Variants in DNAH12 observed in about 807,000 individuals in gnomAD.
The protein encoded by DNAH12 is dynein axonemal heavy chain 12.
In DNAH12, 285 loss-of-function variants were observed where a neutral mutation model predicts 371.5. The ratio of observed to expected loss-of-function variants is 0.77; its 90% CI spans 0.70 to 0.85. The LOEUF is 0.85. Ranked by LOEUF, DNAH12 falls within the 40% of genes least tolerant of loss-of-function variation. The pLI, the probability that DNAH12 is intolerant of heterozygous loss-of-function variation, is 0.00. For missense variants in DNAH12, 3,611 were observed against 3,689.4 expected (o/e 0.98, Z 0.55); for synonymous variants, 1,200 against 1,213.0 (o/e 0.99, Z 0.22).
At chr3:57,342,986 C>G (rs2062443726) in intron 60 of DNAH12, among the ~76,000 whole-genome samples, 1 of 151,784 alleles carries the variant, frequency 6.6e-6, no homozygotes, top group Admixed American at 6.6e-5. Flanking sequence ...GTGGAAGGAT[C>G]ACCTGAGCCG....
chr3:57,471,663 C>CA (rs1165780211), intron 14 of DNAH12, 57 bp from the exon 15 acceptor site: 1 of 1,413,922 alleles, frequency 7.1e-7, no homozygotes, highest in Non-Finnish European at 9.3e-7. Context: ...ATTATCAAGT[C>CA]AGAAATCCAA....
intron 65 of DNAH12, among the ~76,000 whole-genome samples, chr3:57,320,860 C>G (rs2061788980): frequency 6.6e-6 from 1 of 152,172 alleles, no homozygotes; most frequent in African/African-American, 2.4e-5. Flanking sequence ...TTCTCTTACC[C>G]CAGCTTTCAT....
At chr3:57,546,452 C>T (rs1328738397), upstream of DNAH12, among the ~76,000 whole-genome samples, 1 of 152,094 alleles carries the variant, frequency 6.6e-6, no homozygotes, top group Admixed American at 6.6e-5. Flanking sequence ...AGGGATCCTC[C>T]CACCTTAGCC....
At chr3:57,321,344 G>A (rs926052342) in intron 65 of DNAH12, among the ~76,000 whole-genome samples, 1 of 152,174 alleles carries the variant, frequency 6.6e-6, no homozygotes, top group African/African-American at 2.4e-5. Context: ...GACTTTCAAA[G>A]AATTTAGTTA....
In DNAH12 at chr3:57,297,359, A is replaced by ATT. The variant is rs35527517; in HGVS notation, c.11395-377_11395-376dup. 8.5e-3 allele frequency: 1,343 copies of ATT among 158,118 alleles called. 4 individuals carry two copies. The highest frequency in any genetic ancestry group is 0.025 in the East Asian group (133 of 5,380). The allele number at this position is 158,118 out of a possible 1,614,324, so 9.8% of individuals were successfully genotyped here. ...TTGTTGATTCCAGTTCCTTAACCCT[A>ATT]TTTTTTTTTTTTTTGAGATGAAATC... On this transcript the variant is annotated intron_variant, in intron 70 of 73. Coordinates refer to ENST00000495027, the MANE Select transcript of DNAH12 (RefSeq NM_001366028.2).
chr3:57,527,527 G>A (rs1382429506), intron 2 of DNAH12, among the ~76,000 whole-genome samples: 2 of 152,138 alleles, frequency 1.3e-5, no homozygotes, highest in Non-Finnish European at 1.5e-5. Context: ...GTCACATGGC[G>A]AAAGCAGGAG....
At chr3:57,310,096 A>G (rs776996475) in intron 67 of DNAH12, among the ~76,000 whole-genome samples, 1 of 152,182 alleles carries the variant, frequency 6.6e-6, no homozygotes, top group Non-Finnish European at 1.5e-5. Context: ...GATGAAGAGA[A>G]TGACCCTTCT....
chr3:57,513,659 A>T (rs1272487711), intron 4 of DNAH12, among the ~76,000 whole-genome samples: 1 of 152,222 alleles, frequency 6.6e-6, no homozygotes, highest in Non-Finnish European at 1.5e-5. Context: ...AACATTTCAC[A>T]ATAAAAATAT....
At chr3:57,349,569 C>G (rs1390778324) in intron 60 of DNAH12, among the ~76,000 whole-genome samples, 1 of 152,172 alleles carries the variant, frequency 6.6e-6, no homozygotes, top group Non-Finnish European at 1.5e-5. Flanking sequence ...AGCCCAAATG[C>G]CCATCAATCA....
chr3:57,459,801 T>C lies in DNAH12; in HGVS notation c.2737-15A>G. ...TCCTCCCAGGCCTTAATGAAAAGTATACTGCACTAAATTCTAGTTATTAAA... is the reference window on the plus strand; with the variant it reads ...TCCTCCCAGGCCTTAATGAAAAGTACACTGCACTAAATTCTAGTTATTAAA... On this transcript the variant is annotated splice_polypyrimidine_tract_variant and intron_variant, in intron 19 of 73. Coordinates refer to ENST00000495027, the MANE Select transcript of DNAH12 (RefSeq NM_001366028.2). 1.4e-6 allele frequency: 2 copies of C among 1,381,430 alleles called. No homozygotes were observed. Among genetic ancestry groups the C allele is most frequent in the Non-Finnish European group, 1.9e-6 (2 of 1,053,224 alleles). The allele number at this position is 1,381,430 out of a possible 1,614,324, so 85.6% of individuals were successfully genotyped here. A position where few individuals can be genotyped will look rare whatever the true frequency, so the allele number is the denominator to read the frequency against.
At chr3:57,447,356 G>A (rs951094321) in intron 25 of DNAH12, among the ~76,000 whole-genome samples, 1 of 152,234 alleles carries the variant, frequency 6.6e-6, no homozygotes, top group East Asian at 1.9e-4. Flanking sequence ...CTGGAATAGT[G>A]GCTGGAAATT....
chr3:57,502,553 T>TTCA, intron 9 of DNAH12, 74 bp from the exon 10 acceptor site: 1 of 1,321,482 alleles, frequency 7.6e-7, no homozygotes, highest in Non-Finnish European at 9.8e-7. Context: ...TGTAGATCTT[T>TTCA]TTTTTTTTCC....
intron 4 of DNAH12, among the ~76,000 whole-genome samples, chr3:57,518,381 C>G (rs899601051): frequency 6.6e-6 from 1 of 152,018 alleles, no homozygotes; most frequent in Non-Finnish European, 1.5e-5. Context: ...AAAAAATTAG[C>G]CAGGCATGGT....
At chr3:57,400,128 A>G (rs1246109041) in intron 43 of DNAH12, among the ~76,000 whole-genome samples, 1 of 152,152 alleles carries the variant, frequency 6.6e-6, no homozygotes, top group Non-Finnish European at 1.5e-5. Context: ...TCTCTACAAA[A>G]AATACAAAAA....
chr3:57,329,585 G>A (rs1193221704), intron 62 of DNAH12, among the ~76,000 whole-genome samples: 3 of 145,324 alleles, frequency 2.1e-5, no homozygotes, highest in Middle Eastern at 3.5e-3. Flanking sequence ...AGACTTAAAC[G>A]TTAGACCTAA....
intron 11 of DNAH12, among the ~76,000 whole-genome samples, chr3:57,500,716 C>T (rs932192719): frequency 4.6e-5 from 7 of 152,066 alleles, no homozygotes; most frequent in South Asian, 2.1e-4. Flanking sequence ...TTGTTATTTC[C>T]GTGTCAGGCT....
intron 11 of DNAH12, among the ~76,000 whole-genome samples, chr3:57,494,062 A>G (rs940359013): frequency 1.3e-5 from 2 of 151,936 alleles, no homozygotes; most frequent in African/African-American, 4.8e-5. Context: ...GTGAGACCCC[A>G]TCTCTACAAA....
At chr3:57,510,431 G>C (rs2067946121) in intron 5 of DNAH12, among the ~76,000 whole-genome samples, 1 of 152,048 alleles carries the variant, frequency 6.6e-6, no homozygotes. Context: ...TTGAGCCCAG[G>C]AGTTTTAGAC....
At chr3:57,551,140 A>G in the DNAH12 span, among the ~76,000 whole-genome samples, 1 of 151,940 alleles carries the variant, frequency 6.6e-6, no homozygotes, top group South Asian at 2.1e-4. Flanking sequence ...TGCTGGGATT[A>G]CAGGCGTGAG....
Sources: gnomAD v4.1 joint callset for allele counts (sites outside exome capture counted in the v4.1 genomes callset) on GRCh38, gnomAD v4.1.1 for gene constraint, MANE v1.5 for transcripts, NCBI Gene and HGNC (gene_info 2026-07-23, HGNC 2026-07-21) for gene names.